Variants in TNS3 observed in about 807,000 individuals in gnomAD.
TNS3 encodes the protein tensin-3.
A neutral mutation model predicts 140.9 loss-of-function variants in TNS3; 45 were observed. That is an observed-to-expected ratio of 0.32 (90% CI 0.25 to 0.41). The LOEUF (loss-of-function observed/expected upper bound fraction) is 0.41. Ranked by LOEUF, TNS3 falls within the 10% of genes least tolerant of loss-of-function variation. TNS3 has a pLI of 1.00. For synonymous variants in TNS3, 815 were observed against 788.4 expected, an observed-to-expected ratio of 1.03 and a Z score of -0.56; for missense variants, 1,716 against 1,906.7, an observed-to-expected ratio of 0.90 and a Z score of 1.86.
At chr7:47,390,207 C>T (rs1230484409) in intron 16 of TNS3, among the ~76,000 whole-genome samples, 3 of 152,240 alleles carry the variant, frequency 2.0e-5, no homozygotes, top group Non-Finnish European at 4.4e-5. Context: ...CATCGGCCCC[C>T]TCCTCCACTA....
intron 4 of TNS3, among the ~76,000 whole-genome samples, chr7:47,450,236 C>T (rs1256252073): frequency 6.6e-6 from 1 of 152,132 alleles, no homozygotes; most frequent in Non-Finnish European, 1.5e-5. Context: ...AATAAATGTA[C>T]CCATTGACTT....
intron 16 of TNS3, among the ~76,000 whole-genome samples, chr7:47,392,439 C>T (rs566154049): frequency 5.3e-5 from 8 of 152,242 alleles, no homozygotes; most frequent in Non-Finnish European, 8.8e-5. Flanking sequence ...GAGATAAATG[C>T]GGCTTAAGTC....
intron 7 of TNS3, 22 bp downstream of exon 7, chr7:47,437,241 T>C: frequency 6.5e-7 from 1 of 1,530,554 alleles, no homozygotes; most frequent in Non-Finnish European, 8.8e-7. Context: ...AAATGCAGAA[T>C]ATAAAGGGAT....
chr7:47,352,191 GAC>G (rs913946966), intron 17 of TNS3, among the ~76,000 whole-genome samples: 58 of 152,088 alleles, frequency 3.8e-4, no homozygotes, highest in African/African-American at 1.3e-3. Flanking sequence ...GTCACAAGCA[GAC>G]ACACACACTC....
chr7:47,390,382 C>A (rs1310592107), intron 16 of TNS3, among the ~76,000 whole-genome samples: 1 of 152,240 alleles, frequency 6.6e-6, no homozygotes, highest in East Asian at 1.9e-4. Context: ...CCTGACCCAA[C>A]ATGTCCTCGT....
chr7:47,454,963 A>ATACTCTGGAGTAT (rs1796186877), intron 4 of TNS3, among the ~76,000 whole-genome samples: 1 of 152,136 alleles, frequency 6.6e-6, no homozygotes, highest in Non-Finnish European at 1.5e-5. Flanking sequence ...TGCCCTGCAG[A>ATACTCTGGAGTAT]GCTGCGTTCT....
At chr7:47,524,327 G>A (rs960249979) in intron 2 of TNS3, among the ~76,000 whole-genome samples, 1 of 152,220 alleles carries the variant, frequency 6.6e-6, no homozygotes, top group Non-Finnish European at 1.5e-5. Flanking sequence ...AAACTGCCCA[G>A]GGTGTGAGTG....
intron 6 of TNS3, among the ~76,000 whole-genome samples, chr7:47,438,161 G>C (rs1309916142): frequency 6.6e-6 from 1 of 152,220 alleles, no homozygotes; most frequent in Non-Finnish European, 1.5e-5. Flanking sequence ...GTGGGGGCTT[G>C]TCCTGGTCAC....
intron 20 of TNS3, among the ~76,000 whole-genome samples, chr7:47,341,792 T>C (rs1382930655): frequency 1.3e-5 from 2 of 152,004 alleles, no homozygotes; most frequent in African/African-American, 4.8e-5. Flanking sequence ...TTCTAGGTTA[T>C]GGAGGTAAGA....
At chr7:47,507,764 A>C (rs1288727132) in intron 2 of TNS3, among the ~76,000 whole-genome samples, 1 of 152,164 alleles carries the variant, frequency 6.6e-6, no homozygotes, top group Non-Finnish European at 1.5e-5. Context: ...AACAACACCT[A>C]ATAATCCCAA....
rs1199601326 is a variant in TNS3 at position 47,303,345 on chromosome 7, C to T, written c.3062G>A (p.Gly1021Asp). 3.7e-6 allele frequency: 6 copies of T among 1,613,342 alleles called. No homozygotes were observed. Among genetic ancestry groups the T allele is most frequent in the Non-Finnish European group, 5.1e-6 (6 of 1,179,850 alleles). ...LAPPSSQAFL[G>D]FGTAPVGSGL... ...ACTTCCCACTGGGGCGGTGCCGAAG[C>T]CCAGGAAGGCCTGGCTGCTGGGAGG... Residue 1021 changes from glycine (G) to aspartate (D), a missense_variant, in exon 22 of 31, where the codon GGC becomes GAC. Gly to Asp is a moderately conservative substitution (Grantham distance 94). Coordinates refer to ENST00000311160, the MANE Select transcript of TNS3 (RefSeq NM_022748.12).
chr7:47,351,278 T>C (rs1179640047), intron 17 of TNS3, among the ~76,000 whole-genome samples: 4 of 152,222 alleles, frequency 2.6e-5, no homozygotes, highest in African/African-American at 9.6e-5. Flanking sequence ...CCATGTCTGA[T>C]AGCCATATGA....
At chr7:47,391,500 T>C (rs1792515024) in intron 16 of TNS3, among the ~76,000 whole-genome samples, 2 of 152,066 alleles carry the variant, frequency 1.3e-5, no homozygotes, top group Admixed American at 1.3e-4. Flanking sequence ...CTTTACAGAC[T>C]GGGAAAGTGA....
intron 16 of TNS3, among the ~76,000 whole-genome samples, chr7:47,386,392 A>T (rs1158960232): frequency 6.6e-6 from 1 of 152,356 alleles, no homozygotes; most frequent in South Asian, 2.1e-4. Context: ...TGCACTTCGC[A>T]TCAGTCTCTC....
intron 8 of TNS3, among the ~76,000 whole-genome samples, chr7:47,434,260 A>G (rs931410869): frequency 1.3e-5 from 2 of 151,838 alleles, no homozygotes; most frequent in Non-Finnish European, 2.9e-5. Context: ...ACTAAATTCC[A>G]TAATACAATG....
chr7:47,384,086 T>A (rs1791932149), intron 16 of TNS3, among the ~76,000 whole-genome samples: 1 of 152,170 alleles, frequency 6.6e-6, no homozygotes, highest in Admixed American at 6.5e-5. Flanking sequence ...TGACCACCCA[T>A]TCTCCCCCCA....
intron 20 of TNS3, among the ~76,000 whole-genome samples, chr7:47,342,778 G>C (rs1218907953): frequency 6.6e-6 from 1 of 152,196 alleles, no homozygotes; most frequent in Admixed American, 6.5e-5. Flanking sequence ...AAATCATAAA[G>C]ATCAGGGGAC....
intron 1 of TNS3, among the ~76,000 whole-genome samples, chr7:47,536,876 G>A (rs1051938949): frequency 6.6e-6 from 1 of 152,192 alleles, no homozygotes; most frequent in African/African-American, 2.4e-5. Flanking sequence ...GCACTGACAA[G>A]GGCACACGCA....
At chr7:47,449,349 G>A (rs1394404030) in intron 4 of TNS3, among the ~76,000 whole-genome samples, 2 of 152,186 alleles carry the variant, frequency 1.3e-5, no homozygotes, top group Non-Finnish European at 2.9e-5. Context: ...AGCCCTGGGT[G>A]AGCCAGCCCC....
Sources: gnomAD v4.1 joint callset for allele counts (sites outside exome capture counted in the v4.1 genomes callset) on GRCh38, gnomAD v4.1.1 for gene constraint, MANE v1.5 for transcripts, NCBI Gene and HGNC (gene_info 2026-07-23, HGNC 2026-07-21) for gene names.